The following RORA variants were observed in gnomAD, a reference collection of about 807,000 sequenced individuals.
RORA encodes RAR related orphan receptor A, also known as nuclear receptor ROR-alpha.
In RORA, 7 loss-of-function variants were observed where a neutral mutation model predicts 69.5. The ratio of observed to expected loss-of-function variants is 0.10; its 90% confidence interval spans 0.06 to 0.19. RORA has a LOEUF of 0.19. RORA is among the 10% of genes least tolerant of loss of function. The pLI, the probability that RORA is intolerant of heterozygous loss-of-function variation, is 1.00. For synonymous variants in RORA, 261 were observed against 240.8 expected, an observed-to-expected ratio of 1.08 and a Z score of -0.78; for missense variants, 457 against 663.0, an observed-to-expected ratio of 0.69 and a Z score of 3.41.
chr15:60,688,809 C>A (rs193162654), intron 1 of RORA, among the ~76,000 whole-genome samples: 32 of 152,254 alleles, frequency 2.1e-4, no homozygotes. Flanking sequence ...ACTTTTGACT[C>A]CTAGGAAAAC....
intron 1 of RORA, among the ~76,000 whole-genome samples, chr15:61,145,569 T>A (rs914144003): frequency 6.6e-6 from 1 of 152,222 alleles, no homozygotes; most frequent in Non-Finnish European, 1.5e-5. Flanking sequence ...AAGAAAAGAC[T>A]GAGAAAGAGT....
intron 1 of RORA, among the ~76,000 whole-genome samples, chr15:60,844,467 T>G (rs1248993931): frequency 2.0e-5 from 3 of 152,192 alleles, no homozygotes; most frequent in African/African-American, 7.2e-5. Context: ...CCAGCCAGTT[T>G]TCATTCTGAA....
chr15:60,933,106 C>A (rs1227986580), intron 1 of RORA, among the ~76,000 whole-genome samples: 1 of 152,162 alleles, frequency 6.6e-6, no homozygotes, highest in Non-Finnish European at 1.5e-5. Flanking sequence ...AAGTCTCCTA[C>A]TGTGGGCCTC....
intron 1 of RORA, among the ~76,000 whole-genome samples, chr15:61,067,278 A>AT (rs1642094658): frequency 6.6e-6 from 1 of 151,674 alleles, no homozygotes; most frequent in Non-Finnish European, 1.5e-5. Context: ...TGCCTGGCTA[A>AT]TTTTTGTATT....
chr15:60,875,341 A>AC (rs1454920539), intron 1 of RORA, among the ~76,000 whole-genome samples: 1 of 152,092 alleles, frequency 6.6e-6, no homozygotes, highest in Non-Finnish European at 1.5e-5. Context: ...AGTATAATCT[A>AC]CCCCCCTAAA....
chr15:60,869,838 C>T (rs1224880653), intron 1 of RORA, among the ~76,000 whole-genome samples: 1 of 152,216 alleles, frequency 6.6e-6, no homozygotes, highest in African/African-American at 2.4e-5. Flanking sequence ...TCCTCTTGTT[C>T]CCTCTGGCTT....
Position 60,537,393 on chromosome 15 carries a change from G to A in RORA, c.197-5542C>T, listed in dbSNP as rs183070237. ...GAGAGAGGAAACCTTTCTTCAATCT[G>A]TCTACCCAGACAAGCTCCCTTTTTT... is the stretch of plus-strand genomic sequence containing the variant. On this transcript the variant is annotated intron_variant, in intron 2 of 10. Coordinates refer to ENST00000335670, the MANE Select transcript of RORA (RefSeq NM_134261.3). This position sits in a 1 kb window ranked among gnomAD's most constrained non-coding sequence, Gnocchi z 4.9. Among the ~76,000 whole-genome samples the A allele has an allele frequency of 1.4e-3, 212 of 152,330 alleles. No homozygotes were observed. Among genetic ancestry groups the A allele is most frequent in the African/African-American group, 4.6e-3 (192 of 41,562 alleles).
intron 1 of RORA, among the ~76,000 whole-genome samples, chr15:60,924,607 C>T (rs1389485990): frequency 6.6e-6 from 1 of 152,092 alleles, no homozygotes; most frequent in African/African-American, 2.4e-5. Context: ...TTTCTATCCT[C>T]AGATTCCTCA....
rs2080142625 is a variant in RORA, at chr15:61,226,040, G to A, written c.166+3013C>T. On this transcript the variant is annotated intron_variant, in intron 1 of 10. Coordinates refer to ENST00000335670, the MANE Select transcript of RORA (RefSeq NM_134261.3). The surrounding 1 kb of genome is among the most constrained non-coding windows in gnomAD (Gnocchi z 4.2). ...TTTCAGATTATAAAGTCACACACCTGATTTTGTAAGCTCAGGCAATAAAGG... is the reference window on the plus strand; with the variant it reads ...TTTCAGATTATAAAGTCACACACCTAATTTTGTAAGCTCAGGCAATAAAGG... Among the ~76,000 whole-genome samples, 1 of 152,170 alleles carries A rather than the reference G, an allele frequency of 6.6e-6. No individual in the cohort carries two copies. The highest frequency in any genetic ancestry group is 6.5e-5 in the Admixed American group (1 of 15,280).
chr15:61,051,099 G>A (rs754890174), intron 1 of RORA, among the ~76,000 whole-genome samples: 3 of 152,200 alleles, frequency 2.0e-5, no homozygotes, highest in Non-Finnish European at 4.4e-5. Flanking sequence ...GGCACCTCAG[G>A]TGGCAGGGAG....
At chr15:60,961,472 T>C (rs375835070) in intron 1 of RORA, among the ~76,000 whole-genome samples, 4 of 152,214 alleles carry the variant, frequency 2.6e-5, no homozygotes, top group Non-Finnish European at 5.9e-5. Flanking sequence ...TTATCACCCA[T>C]TGATATACGT....
intron 1 of RORA, among the ~76,000 whole-genome samples, chr15:60,946,249 CCTCTCT>C (rs1000264482): frequency 5.9e-5 from 9 of 152,132 alleles, no homozygotes; most frequent in African/African-American, 1.7e-4. Flanking sequence ...TCTCCCTCTC[CCTCTCT>C]CTCCCTCCTT....
At chr15:60,706,173 C>G (rs2071060275) in intron 1 of RORA, 1 of 152,174 alleles carries the variant, frequency 6.6e-6, no homozygotes, top group South Asian at 2.1e-4. Flanking sequence ...CCTTTTCCAC[C>G]AGCTGGGCTC....
chr15:60,636,124 G>A (rs773231081), intron 2 of RORA, among the ~76,000 whole-genome samples: 2 of 152,102 alleles, frequency 1.3e-5, no homozygotes, highest in Non-Finnish European at 2.9e-5. Flanking sequence ...AGAAACCTTA[G>A]TTCTACAAGA....
Position 60,615,012 on chromosome 15 carries a change from G to A in RORA, c.196+63645C>T, listed in dbSNP as rs1333379811. The A allele has an allele frequency of 1.6e-5, 25 of 1,612,892 alleles. No individual in the cohort carries two copies. The highest frequency in any genetic ancestry group is 2.0e-5 in the Non-Finnish European group (24 of 1,179,080). On this transcript the variant is annotated intron_variant, in intron 2 of 10. Coordinates refer to ENST00000335670, the MANE Select transcript of RORA (RefSeq NM_134261.3). ...GAGACCAGAACAGCCTGCTCAGGGAGCTACAGGTTGAAGAGCTGTCAGGGA... is the reference window on the plus strand; with the variant it reads ...GAGACCAGAACAGCCTGCTCAGGGAACTACAGGTTGAAGAGCTGTCAGGGA...
At chr15:61,021,261 T>C (rs1895507550) in intron 1 of RORA, among the ~76,000 whole-genome samples, 1 of 152,230 alleles carries the variant, frequency 6.6e-6, no homozygotes, top group Admixed American at 6.5e-5. Context: ...TGTTTCAGCC[T>C]CTATAGTGGG....
At position 60,956,717 on chromosome 15, in the gene RORA, G is replaced by A. The variant is rs180983253; in HGVS notation, c.166+272336C>T. Among the ~76,000 whole-genome samples the A allele has an allele frequency of 6.4e-4, 97 of 152,266 alleles. No individual in the cohort carries two copies. In the Middle Eastern group the frequency reaches 0.024, roughly 37 times the overall value. ...GGCATTTATTGAGTACTCATCTTAAGGACTCAATAAATAGCTATTACTGTT... is the reference window on the plus strand; with the variant it reads ...GGCATTTATTGAGTACTCATCTTAAAGACTCAATAAATAGCTATTACTGTT... On this transcript the variant is annotated intron_variant, in intron 1 of 10. Coordinates refer to ENST00000335670, the MANE Select transcript of RORA (RefSeq NM_134261.3).
intron 2 of RORA, among the ~76,000 whole-genome samples, chr15:60,561,167 C>T (rs1368207792): frequency 2.0e-5 from 3 of 150,550 alleles, no homozygotes; most frequent in South Asian, 2.1e-4. Context: ...CTGCAAGCGC[C>T]GCCTCCCGGG....
chr15:61,193,743 A>T (rs1271254379), intron 1 of RORA, among the ~76,000 whole-genome samples: 1 of 152,238 alleles, frequency 6.6e-6, no homozygotes, highest in East Asian at 1.9e-4. Flanking sequence ...GTAATTTTAC[A>T]GTTGTGGAAA....
Sources: gnomAD v4.1 joint callset for allele counts (sites outside exome capture counted in the v4.1 genomes callset) on GRCh38, gnomAD v4.1.1 for gene constraint, Gnocchi (gnomAD v3.1) non-coding constraint, MANE v1.5 for transcripts, NCBI Gene and HGNC (gene_info 2026-07-23, HGNC 2026-07-21) for gene names.